The following USP36 variants were observed in gnomAD, a reference collection of about 807,000 sequenced individuals.
USP36 encodes the protein ubiquitin specific peptidase 36, also known as ubiquitin carboxyl-terminal hydrolase 36.
In USP36, 59 loss-of-function variants were observed where a neutral mutation model predicts 111.5. The ratio of observed to expected loss-of-function variants is 0.53; its 90% confidence interval spans 0.43 to 0.66. The LOEUF (loss-of-function observed/expected upper bound fraction) is 0.66. Among genes scored for constraint, USP36 ranks in the 30% least tolerant of loss-of-function variants. The probability of loss-of-function intolerance (pLI) is 0.00; values close to 1 mark genes in which losing one functional copy is unlikely to be tolerated. For synonymous variants in USP36, 628 were observed against 581.0 expected (o/e 1.08, Z -1.16); for missense variants, 1,488 against 1,468.0 (o/e 1.01, Z -0.22).
At chr17:78,818,913 T>A in intron 9 of USP36, 135 bp from the exon 10 acceptor site, 1 of 837,508 alleles carries the variant, frequency 1.2e-6, no homozygotes, top group Non-Finnish European at 1.9e-6. Context: ...TTCGACCTTC[T>A]GCTCCTCTCA....
At chr17:78,794,413 C>G (rs1001900282), downstream of USP36, among the ~76,000 whole-genome samples, 4 of 152,208 alleles carry the variant, frequency 2.6e-5, no homozygotes, top group African/African-American at 9.7e-5. Flanking sequence ...CCACTGCCAG[C>G]CCCCTTTCAG....
intron 6 of USP36, among the ~76,000 whole-genome samples, chr17:78,823,865 C>T (rs568917488): frequency 6.6e-6 from 1 of 152,268 alleles, no homozygotes; most frequent in African/African-American, 2.4e-5. Context: ...ACAGAGGAGG[C>T]GCTCTGGATA....
chr17:78,835,402 A>G lies in USP36; in HGVS notation c.353T>C (p.Phe118Ser), dbSNP rs1215282223. The change falls in exon 4 of 21, where the codon TTC (phenylalanine) becomes TCC (serine). Residue 118 changes from phenylalanine (F) to serine (S), a missense_variant. Physicochemically the swap from Phe to Ser is radical, Grantham distance 155 (BLOSUM62 -2). Around this residue, in one of 3 missense-constraint regions of USP36, gnomAD observed 219 missense variants for 209.5 expected, o/e 1.05. Transcript: ENST00000449938. ...GTTGTGGAGTCCTGCGCCCACGCGG[A>G]AGACCCGCTCCCACCTCAGAGACAG... ...ERLSLRWERV[F>S]RVGAGLHNLG... 1.2e-6 allele frequency: 2 copies of G among 1,614,264 alleles called. No homozygotes were observed. Among genetic ancestry groups the G allele is most frequent in the Admixed American group, 1.7e-5 (1 of 60,024 alleles).
At chr17:78,827,368 G>T in intron 5 of USP36, 21 bp from the exon 6 acceptor site, 1 of 1,598,010 alleles carries the variant, frequency 6.3e-7, no homozygotes, top group South Asian at 1.1e-5. Context: ...AAGAAACAGG[G>T]AGGGAAGAGC....
intron 16 of USP36, among the ~76,000 whole-genome samples, chr17:78,802,824 CG>C (rs1424845034): frequency 1.3e-5 from 2 of 152,180 alleles, no homozygotes; most frequent in Non-Finnish European, 2.9e-5. Context: ...TGGCCTGGCC[CG>C]GGACACCTGA....
chr17:78,824,843 A>G (rs1428418311), intron 6 of USP36, among the ~76,000 whole-genome samples: 1 of 152,218 alleles, frequency 6.6e-6, no homozygotes, highest in African/African-American at 2.4e-5. Context: ...GGGCCGGCGG[A>G]AACCCTGCAA....
chr17:78,805,962 C>T (rs1451106679), intron 15 of USP36, among the ~76,000 whole-genome samples, 194 bp downstream of exon 15: 1 of 152,202 alleles, frequency 6.6e-6, no homozygotes, highest in Non-Finnish European at 1.5e-5. Context: ...GCCTTCACCA[C>T]CCAAAGCTCC....
At position 78,796,501 on chromosome 17, in the gene USP36, A is replaced by G. The variant is rs2093630822; in HGVS notation, c.*1399T>C. 6.6e-6 allele frequency: 1 copy of G among 152,198 alleles called. No homozygotes were observed. Among genetic ancestry groups the G allele is most frequent in the East Asian group, 1.9e-4 (1 of 5,202 alleles). The allele number at this position is 152,198 out of a possible 1,614,324, so 9.4% of individuals were successfully genotyped here. The stretch of plus-strand genomic sequence containing the variant: ...TTGATTCTCTCCCACCCTTCTAAGA[A>G]GAGAAACGTAAAAACAGAAGAAAAT... On this transcript the variant is annotated 3_prime_UTR_variant, in exon 21 of 21. Transcript: ENST00000449938.
Position 78,802,401 on chromosome 17 carries a change from T to C in USP36, c.2945A>G (p.Lys982Arg). The part of the protein sequence containing the change: ...DGHLKCPRSA[K>R]PQDAVVPESS... ...CTCGGGGACAACAGCATCTTGGGGC[T>C]TGGCACTCCTTGGGCATTTGAGATG... is the stretch of plus-strand genomic sequence containing the variant. Residue 982 changes from lysine (K) to arginine (R), a missense_variant, in exon 17 of 21, where the codon AAG becomes AGG. Physicochemically the swap from Lys to Arg is conservative, Grantham distance 26 (BLOSUM62 2). Around this residue, in one of 3 missense-constraint regions of USP36, gnomAD observed 1,073 missense variants for 994.1 expected, o/e 1.08. Transcript: ENST00000449938. The C allele has an allele frequency of 6.2e-7, 1 of 1,611,292 alleles. No individual in the cohort carries two copies.
At position 78,835,508 on chromosome 17, in the gene USP36, AAG is replaced by A; in HGVS notation, c.254-9_254-8del. The A allele has an allele frequency of 6.3e-7, 1 of 1,587,576 alleles. No homozygotes were observed. The highest frequency in any genetic ancestry group is 1.3e-5 in the African/African-American group (1 of 74,404). On this transcript the variant is annotated splice_polypyrimidine_tract_variant and splice_region_variant and intron_variant, in intron 3 of 20. Coordinates refer to ENST00000449938, the MANE Select transcript of USP36 (RefSeq NM_001385174.1). Reference sequence around the variant, plus strand: ...TCATACGTGTGCTCACTGCCTGAGGAAGAAAGGGACAAGGGAAGAAAAGAGGA... The same window carrying A: ...TCATACGTGTGCTCACTGCCTGAGGAAAAGGGACAAGGGAAGAAAAGAGGA...
chr17:78,826,246 T>C (rs936251146), intron 6 of USP36, among the ~76,000 whole-genome samples: 1 of 152,176 alleles, frequency 6.6e-6, no homozygotes, highest in African/African-American at 2.4e-5. Context: ...TAAGTTTTCT[T>C]AAGCCAGGAA....
At chr17:78,820,379 A>G (rs758075673) in intron 8 of USP36, among the ~76,000 whole-genome samples, 5 of 152,144 alleles carry the variant, frequency 3.3e-5, no homozygotes, top group Non-Finnish European at 7.4e-5. Context: ...TGGGAGGATC[A>G]CTTAAGCCTA....
chr17:78,834,028 C>CGAGTTCACGACCTTGAA (rs2068406029), intron 4 of USP36, among the ~76,000 whole-genome samples: 1 of 152,158 alleles, frequency 6.6e-6, no homozygotes, highest in Non-Finnish European at 1.5e-5. Flanking sequence ...GGTTGGATCA[C>CGAGTTCACGACCTTGAA]CTGAGGTCAC....
chr17:78,810,193 A>C (rs994860864), intron 13 of USP36, among the ~76,000 whole-genome samples: 6 of 150,462 alleles, frequency 4.0e-5, no homozygotes, highest in Admixed American at 2.0e-4. Context: ...ATCATGGCTC[A>C]CTGCATACAG....
Position 78,813,818 on chromosome 17 carries a change from A to G in USP36, c.1220T>C (p.Val407Ala), listed in dbSNP as rs767399235. 3.1e-6 allele frequency: 5 copies of G among 1,614,134 alleles called. No individual in the cohort carries two copies. In the South Asian group the frequency reaches 3.3e-5, roughly 11 times the overall value. ...GGCCTGCTGGTTCAGAACCACCTTGACGTTGCTGGAATGGACCAAGGAATC... is the reference window on the plus strand; with the variant it reads ...GGCCTGCTGGTTCAGAACCACCTTGGCGTTGCTGGAATGGACCAAGGAATC... ...MNDSLVHSSN[V>A]KVVLNQQAYV... The change falls in exon 12 of 21, where the codon GTC becomes GCC. Residue 407 changes from valine to alanine, a missense_variant. Transcript: ENST00000449938.
chr17:78,812,127 C>A (rs1339705237), intron 13 of USP36, among the ~76,000 whole-genome samples: 1 of 151,936 alleles, frequency 6.6e-6, no homozygotes, highest in Non-Finnish European at 1.5e-5. Context: ...CTCAAGCCTG[C>A]CCTGAACCAT....
intron 4 of USP36, 58 bp from the exon 5 acceptor site, chr17:78,829,065 G>C: frequency 6.8e-7 from 1 of 1,478,006 alleles, no homozygotes; most frequent in Non-Finnish European, 9.3e-7. Flanking sequence ...AACTCACGGT[G>C]AGGCCCCCAC....
At chr17:78,793,575 C>A (rs904941668), downstream of USP36, among the ~76,000 whole-genome samples, 1 of 152,158 alleles carries the variant, frequency 6.6e-6, no homozygotes, top group South Asian at 2.1e-4. Context: ...GCTCAGCTGA[C>A]AAGACACAGA....
intron 2 of USP36, among the ~76,000 whole-genome samples, chr17:78,837,732 C>T (rs1029647857): frequency 1.3e-5 from 2 of 152,180 alleles, no homozygotes; most frequent in African/African-American, 4.8e-5. Flanking sequence ...TCACTCACAT[C>T]AGAAAAATGA....
Sources: allele counts gnomAD v4.1 joint callset (sites outside exome capture counted in the v4.1 genomes callset), GRCh38; gene constraint gnomAD v4.1.1; regional missense constraint gnomAD v4.1.1; transcripts MANE v1.5; gene names NCBI Gene and HGNC (gene_info 2026-07-23, HGNC 2026-07-21).